PAX6: variants seen among roughly 807,000 people sequenced by gnomAD.
PAX6 encodes the protein paired box protein Pax-6.
In PAX6, 7 loss-of-function variants were observed where a neutral mutation model predicts 60.7. The observed-to-expected ratio is 0.12, with a 90% confidence interval of 0.07 to 0.22. The LOEUF is 0.22. Among genes scored for constraint, PAX6 ranks in the 10% least tolerant of loss-of-function variants. The pLI is 1.00. For synonymous variants in PAX6, 208 were observed against 201.2 expected (o/e 1.03, Z -0.29); for missense variants, 355 against 555.2 (o/e 0.64, Z 3.62).
chr11:31,790,120 ACTAAT>A (rs1949389415), intron 13 of PAX6, 101 bp from the exon 14 acceptor site: 1 of 759,764 alleles, frequency 1.3e-6, no homozygotes, highest in Admixed American at 2.8e-5. Context: ...AAAAAAAAAA[ACTAAT>A]ACTTTCTAAC....
Position 31,806,436 on chromosome 11 carries a change from G to A in PAX6, c.-25C>T, listed in dbSNP as rs376974874. On this transcript the variant is annotated 5_prime_UTR_variant, in exon 4 of 14. Coordinates refer to ENST00000640368, the MANE Select transcript of PAX6 (RefSeq NM_001368894.2). ...TGCTGGCTCTGGCTGGGGGCCGCGG[G>A]ATTCCACGGGGCTCGAATATGGGGC... The A allele has an allele frequency of 3.7e-6, 6 of 1,607,844 alleles. No individual in the cohort carries two copies. In the East Asian group the frequency reaches 6.7e-5, roughly 18 times the overall value.
chr11:31,800,802 C>A lies in PAX6; in HGVS notation c.454G>T (p.Gly152Cys). 2 of 1,614,174 alleles carry A rather than the reference C, an allele frequency of 1.2e-6. No individual in the cohort carries two copies. Among genetic ancestry groups the A allele is most frequent in the Non-Finnish European group, 1.7e-6 (2 of 1,180,028 alleles). ...RNLASEKQQM[G>C]ADGMYDKLRM... is the part of the protein sequence containing the mutation. ...AGTTTATCATACATGCCGTCTGCGCCCATCTGTTGCTTTTCGCTAGCCAGG... is the reference window on the plus strand; with the variant it reads ...AGTTTATCATACATGCCGTCTGCGCACATCTGTTGCTTTTCGCTAGCCAGG... The change falls in exon 8 of 14, where the codon GGC becomes TGC. Residue 152 changes from glycine to cysteine, a missense_variant. This residue lies in a region of PAX6 where 143 missense variants were observed against 183.6 expected (regional missense o/e 0.78). Coordinates refer to ENST00000640368, the MANE Select transcript of PAX6 (RefSeq NM_001368894.2).
chr11:31,790,520 T>C (rs909905163), intron 13 of PAX6, 190 bp downstream of exon 13: 1 of 982,024 alleles, frequency 1.0e-6, no homozygotes, highest in Admixed American at 6.1e-5. Context: ...AAAACAATTT[T>C]AGTTTTTGTC....
At chr11:31,799,550 G>T (rs959873747) in intron 8 of PAX6, among the ~76,000 whole-genome samples, 2 of 152,204 alleles carry the variant, frequency 1.3e-5, no homozygotes, top group African/African-American at 2.4e-5. Flanking sequence ...GAAACAAAAC[G>T]TTCTCTAATG....
At chr11:31,809,373 G>A (rs1450220904) in intron 2 of PAX6, 1 of 152,130 alleles carries the variant, frequency 6.6e-6, no homozygotes, top group Admixed American at 6.6e-5. Context: ...TCCCAAGTTC[G>A]AGTTAAACGT....
intron 1 of PAX6, chr11:31,816,351 C>T: frequency 1.8e-6 from 1 of 560,242 alleles, no homozygotes; most frequent in South Asian, 2.5e-5. Context: ...GGGCGCCCTC[C>T]GATCACGAAG....
At chr11:31,792,174 CCTTGAGGG>C (rs1950157277) in intron 12 of PAX6, 2 of 168 alleles carry the variant, frequency 0.012, no homozygotes, top group Non-Finnish European at 0.03. Context: ...GGCAAACAGG[CCTTGAGGG>C]CCTGCCAGAA....
chr11:31,793,249 G>T (rs1189207498), intron 12 of PAX6, 189 bp downstream of exon 12: 3 of 698,530 alleles, frequency 4.3e-6, no homozygotes, highest in Non-Finnish European at 7.9e-6. Context: ...TTTTTTTAGG[G>T]CATGAATTAA....
chr11:31,793,149 A>G (rs1950405909), intron 12 of PAX6: 1 of 619,824 alleles, frequency 1.6e-6, no homozygotes, highest in Admixed American at 2.5e-5. Flanking sequence ...GGTACCCAAA[A>G]CATGCCCCAC....
upstream of PAX6, among the ~76,000 whole-genome samples, chr11:31,815,748 C>A (rs1323317017): frequency 6.9e-5 from 10 of 145,326 alleles, no homozygotes; most frequent in East Asian, 2.0e-3. Context: ...GCCGGGATCC[C>A]ATATATTTGT....
intron 12 of PAX6, chr11:31,792,326 G>A (rs1950198300): frequency 6.6e-6 from 1 of 152,158 alleles, no homozygotes; most frequent in Non-Finnish European, 1.5e-5. Flanking sequence ...ATTGCACTAT[G>A]GCCAACAATA....
chr11:31,809,007 A>G (rs1364982549), intron 2 of PAX6, among the ~76,000 whole-genome samples: 1 of 152,200 alleles, frequency 6.6e-6, no homozygotes, highest in East Asian at 1.9e-4. Flanking sequence ...GAGAGTGGTC[A>G]CTGCCCCCAC....
chr11:31,802,927 G>T, intron 4 of PAX6, 93 bp from the exon 5 acceptor site: 3 of 1,265,400 alleles, frequency 2.4e-6, no homozygotes, highest in Middle Eastern at 1.8e-4. Flanking sequence ...GGAAGATGAG[G>T]GAGAACAAGA....
chr11:31,799,855 C>A (rs1175838693), intron 8 of PAX6, among the ~76,000 whole-genome samples: 3 of 152,174 alleles, frequency 2.0e-5, no homozygotes, highest in African/African-American at 7.2e-5. Flanking sequence ...ACAACAAATA[C>A]CGATTAATCT....
At chr11:31,794,928 T>C (rs1333299740) in intron 8 of PAX6, 140 bp from the exon 9 acceptor site, 1 of 770,092 alleles carries the variant, frequency 1.3e-6, no homozygotes, top group African/African-American at 1.8e-5. Context: ...CTGTCAGCCT[T>C]CTTTTAAAAA....
At chr11:31,794,418 CACCACACACACACACA>C (rs1199214735) in intron 9 of PAX6, 196 bp downstream of exon 9, 44 of 466,322 alleles carry the variant, frequency 9.4e-5, no homozygotes, top group African/African-American at 6.9e-4. Context: ...CACACACACA[CACCACACACACACACA>C]CACACACACA....
At chr11:31,812,341 T>TCC (rs1957137335), upstream of PAX6, 1 of 154,794 alleles carries the variant, frequency 6.5e-6, no homozygotes, top group Non-Finnish European at 1.4e-5. Context: ...TGTGTGTGTG[T>TCC]CCCACTGGCG....
intron 10 of PAX6, 107 bp downstream of exon 10, chr11:31,793,922 TTTA>T: frequency 7.6e-7 from 1 of 1,311,808 alleles, no homozygotes. Flanking sequence ...ACTGAACCTT[TTTA>T]TTATATTAGT....
intron 5 of PAX6, chr11:31,802,150 G>A (rs376293861): frequency 2.0e-4 from 106 of 538,612 alleles, no homozygotes; most frequent in East Asian, 8.8e-4. Flanking sequence ...TTAAAGTGGC[G>A]TTATGTTTTA....
Sources: allele counts gnomAD v4.1 joint callset (sites outside exome capture counted in the v4.1 genomes callset), GRCh38; gene constraint gnomAD v4.1.1; regional missense constraint gnomAD v4.1.1; transcripts MANE v1.5; gene names NCBI Gene and HGNC (gene_info 2026-07-23, HGNC 2026-07-21).